The following NMT1 variants were observed in gnomAD, a reference collection of about 807,000 sequenced individuals.
NMT1 encodes the protein N-myristoyltransferase 1.
NMT1 carries 12 observed loss-of-function variants against 63.4 expected under a neutral mutation model. The ratio of observed to expected loss-of-function variants is 0.19; its 90% CI spans 0.12 to 0.31. NMT1 has a LOEUF of 0.31. Ranked by LOEUF, NMT1 falls within the 10% of genes least tolerant of loss-of-function variation. The pLI is 1.00. For synonymous variants in NMT1, 228 were observed against 234.3 expected (o/e 0.97, Z 0.25); for missense variants, 432 against 634.6 (o/e 0.68, Z 3.43).
chr17:45,066,508 C>G (rs952571648), intron 1 of NMT1, among the ~76,000 whole-genome samples: 1 of 151,658 alleles, frequency 6.6e-6, no homozygotes, highest in Non-Finnish European at 1.5e-5. Context: ...AATCTCAGCA[C>G]TTTGGGAGGC....
chr17:45,096,432 A>C, intron 5 of NMT1, 147 bp downstream of exon 5: 1 of 681,018 alleles, frequency 1.5e-6, no homozygotes, highest in Non-Finnish European at 2.7e-6. Context: ...TCTGAAGGAC[A>C]CTTGCTTTCA....
intron 2 of NMT1, among the ~76,000 whole-genome samples, 192 bp downstream of exon 2, chr17:45,081,944 C>T (rs908964919): frequency 2.6e-5 from 4 of 152,192 alleles, no homozygotes; most frequent in African/African-American, 9.7e-5. Flanking sequence ...CCCTAAAAGA[C>T]ACAGCAGGTC....
At chr17:45,061,651 G>A in intron 1 of NMT1, 191 bp downstream of exon 1, 1 of 561,878 alleles carries the variant, frequency 1.8e-6, no homozygotes, top group Non-Finnish European at 3.2e-6. Context: ...GATATTAAGG[G>A]CCGGAGACGT....
chr17:45,100,862 CAAAAAAAAAAAAAAAAA>C lies in NMT1; in HGVS notation c.993+1367_993+1383del, dbSNP rs71136069. On this transcript the variant is annotated intron_variant, in intron 8 of 11. Coordinates refer to ENST00000258960, the MANE Select transcript of NMT1 (RefSeq NM_021079.5). ...TAGGCAACAGAGCAAGACTCCGTCTCAAAAAAAAAAAAAAAAAAAAAAAAAAAAAAAAAAGAAGGCCA... is the reference window on the plus strand; with the variant it reads ...TAGGCAACAGAGCAAGACTCCGTCTCAAAAAAAAAAAAAAAAAGAAGGCCA... Among the ~76,000 whole-genome samples, 122 of 32,602 alleles carry C rather than the reference CAAAAAAAAAAAAAAAAA, an allele frequency of 3.7e-3. 1 individual carries two copies. The highest frequency in any genetic ancestry group is 0.011 in the African/African-American group (86 of 7,558). The allele number at this position is 32,602 out of a possible 152,430, so 21.4% of individuals were successfully genotyped here.
chr17:45,087,422 T>C (rs139909377), intron 3 of NMT1, among the ~76,000 whole-genome samples: 5 of 152,276 alleles, frequency 3.3e-5, no homozygotes, highest in Non-Finnish European at 7.4e-5. Context: ...ACAGGAATAC[T>C]ATATATAGAT....
rs1241377536 is a variant in NMT1, at chr17:45,106,468, T to C, written c.*829T>C. ...CTTTAGCCAGTTGTTGCCAACCTTA[T>C]AGGGATGAGTCCCCTGTGAGATTTT... On this transcript the variant is annotated 3_prime_UTR_variant, in exon 12 of 12. Coordinates refer to ENST00000258960, the MANE Select transcript of NMT1 (RefSeq NM_021079.5). The C allele has an allele frequency of 1.3e-5, 2 of 152,656 alleles. No homozygotes were observed. The highest frequency in any genetic ancestry group is 2.4e-5 in the African/African-American group (1 of 41,472). 9.5% of individuals were successfully genotyped at this position (152,656 alleles called of 1,614,324 possible). A position where few individuals can be genotyped will look rare whatever the true frequency, so the allele number is the denominator to read the frequency against.
chr17:45,061,353 A>T lies in NMT1; in HGVS notation c.24A>T (p.Ala8=). The change falls in exon 1 of 12, where the codon GCA becomes GCT. Residue 8 remains alanine, a synonymous_variant. Transcript: ENST00000258960. The part of the protein sequence containing the change: MADESET[A]VKPPAPPLPQ... ...AGATGGCGGACGAGAGTGAGACAGC[A>T]GTGAAGCCGCCGGCACCTCCGCTGC... The T allele has an allele frequency of 6.2e-7, 1 of 1,613,982 alleles. No homozygotes were observed. The highest frequency in any genetic ancestry group is 8.5e-7 in the Non-Finnish European group (1 of 1,179,960).
intron 8 of NMT1, among the ~76,000 whole-genome samples, 181 bp from the exon 9 acceptor site, chr17:45,102,770 A>AG (rs2054175442): frequency 6.6e-6 from 1 of 152,222 alleles, no homozygotes; most frequent in African/African-American, 2.4e-5. Context: ...TGCCTGGACT[A>AG]GGAGGGAAAG....
intron 1 of NMT1, among the ~76,000 whole-genome samples, chr17:45,073,587 C>G (rs2053956961): frequency 6.6e-6 from 1 of 152,182 alleles, no homozygotes. Flanking sequence ...TAAAACATGA[C>G]TCACTTTCCT....
intron 2 of NMT1, 90 bp downstream of exon 2, chr17:45,081,842 G>GT: frequency 2.1e-6 from 2 of 951,072 alleles, no homozygotes; most frequent in Non-Finnish European, 3.2e-6. Flanking sequence ...TTGGATTGAC[G>GT]TTCTCCACTG....
intron 1 of NMT1, 28 bp downstream of exon 1, chr17:45,061,488 C>A: frequency 6.2e-7 from 1 of 1,603,194 alleles, no homozygotes. Flanking sequence ...GTCCAATTCC[C>A]GTCCAGCCTC....
At chr17:45,061,522 C>T in intron 1 of NMT1, 62 bp downstream of exon 1, 3 of 1,496,902 alleles carry the variant, frequency 2.0e-6, no homozygotes, top group Non-Finnish European at 2.7e-6. Flanking sequence ...CTCTGGGGTG[C>T]GGGGAAGTCA....
Position 45,104,229 on chromosome 17 carries a change from G to A in NMT1, c.1332+353G>A. Reference sequence around the variant, plus strand: ...GGGTGATTGCTGTCTGTCGTGGTGAGTCATTGGAGCATCCAACTGCCAGTA... The same window carrying A: ...GGGTGATTGCTGTCTGTCGTGGTGAATCATTGGAGCATCCAACTGCCAGTA... On this transcript the variant is annotated intron_variant, in intron 10 of 11. Coordinates refer to ENST00000258960, the MANE Select transcript of NMT1 (RefSeq NM_021079.5). This position sits in a 1 kb window ranked among gnomAD's most constrained non-coding sequence, Gnocchi z 4.2. The A allele has an allele frequency of 2.5e-6, 3 of 1,215,678 alleles. No individual in the cohort carries two copies. The South Asian group carries it at 4.7e-5, about 19-fold the overall frequency. The allele number at this position is 1,215,678 out of a possible 1,614,324, so 75.3% of individuals were successfully genotyped here.
intron 1 of NMT1, among the ~76,000 whole-genome samples, 181 bp from the exon 2 acceptor site, chr17:45,081,463 G>A (rs530923512): frequency 1.3e-5 from 2 of 152,174 alleles, no homozygotes; most frequent in Non-Finnish European, 2.9e-5. Context: ...CCGAGGGGGC[G>A]CGAGTCAGGA....
At chr17:45,098,351 A>G (rs768863834) in intron 6 of NMT1, 31 bp from the exon 7 acceptor site, 13 of 1,604,712 alleles carry the variant, frequency 8.1e-6, no homozygotes, top group Middle Eastern at 3.3e-4. Context: ...CCTGTTAAAA[A>G]CCTTGTCACC....
At chr17:45,084,213 G>T (rs190630153) in intron 2 of NMT1, among the ~76,000 whole-genome samples, 8 of 152,014 alleles carry the variant, frequency 5.3e-5, no homozygotes, top group African/African-American at 1.7e-4. Flanking sequence ...GAATGAATAG[G>T]CAGTTCAGAA....
At chr17:45,088,274 A>G (rs1036803984) in intron 3 of NMT1, among the ~76,000 whole-genome samples, 3 of 152,244 alleles carry the variant, frequency 2.0e-5, no homozygotes, top group Non-Finnish European at 2.9e-5. Flanking sequence ...GGAGCAGGAA[A>G]GATGCAGAGA....
chr17:45,078,519 G>A (rs1430340054), intron 1 of NMT1, among the ~76,000 whole-genome samples: 1 of 152,122 alleles, frequency 6.6e-6, no homozygotes, highest in East Asian at 1.9e-4. Context: ...CTGTCTGTGA[G>A]ATGATAGTAA....
chr17:45,098,362 T>C lies in NMT1; in HGVS notation c.714-20T>C. 1 of 1,609,064 alleles carries C rather than the reference T, an allele frequency of 6.2e-7. No homozygotes were observed. The highest frequency in any genetic ancestry group is 8.5e-7 in the Non-Finnish European group (1 of 1,176,284). ...CTTCCCTGTTAAAAACCTTGTCACC[T>C]GGATTTTTCCCCCTCTTAGAGAGAA... On this transcript the variant is annotated intron_variant, in intron 6 of 11. Transcript: ENST00000258960.
Sources: gnomAD v4.1 joint callset for allele counts (sites outside exome capture counted in the v4.1 genomes callset) on GRCh38, gnomAD v4.1.1 for gene constraint, Gnocchi (gnomAD v3.1) non-coding constraint, MANE v1.5 for transcripts, NCBI Gene and HGNC (gene_info 2026-07-23, HGNC 2026-07-21) for gene names.